PARP8: variants seen among roughly 807,000 people sequenced by gnomAD.
PARP8 encodes poly(ADP-ribose) polymerase family member 8.
A neutral mutation model predicts 124.1 loss-of-function variants in PARP8; 51 were observed. The ratio of observed to expected loss-of-function variants is 0.41; its 90% CI spans 0.33 to 0.52. PARP8 has a LOEUF of 0.52. Among genes scored for constraint, PARP8 ranks in the 20% least tolerant of loss-of-function variants. The pLI is 0.21. For synonymous variants in PARP8, 391 were observed against 361.5 expected (o/e 1.08, Z -0.93); for missense variants, 860 against 1,018.9 (o/e 0.84, Z 2.12).
intron 2 of PARP8, among the ~76,000 whole-genome samples, chr5:50,678,119 A>C (rs1478895961): frequency 6.6e-6 from 1 of 152,186 alleles, no homozygotes; most frequent in East Asian, 1.9e-4. Flanking sequence ...CTTTATTCAT[A>C]TATAGATTAT....
At chr5:50,720,669 T>G (rs1205746941) in intron 2 of PARP8, among the ~76,000 whole-genome samples, 1 of 151,972 alleles carries the variant, frequency 6.6e-6, no homozygotes, top group African/African-American at 2.4e-5. Flanking sequence ...TGCACCATAT[T>G]CTAAGCTAAA....
At chr5:50,796,256 T>C (rs762323072) in intron 12 of PARP8, among the ~76,000 whole-genome samples, 6 of 152,166 alleles carry the variant, frequency 3.9e-5, no homozygotes, top group Admixed American at 6.5e-5. Context: ...CAGCAAGAGA[T>C]GAAATTGAAA....
intron 2 of PARP8, chr5:50,739,029 A>G (rs1251853794): frequency 1.4e-6 from 1 of 702,586 alleles, no homozygotes; most frequent in South Asian, 1.5e-5. Flanking sequence ...TAACCAGCAG[A>G]GACCAGAGCT....
chr5:50,770,103 A>G (rs1160203637), intron 7 of PARP8, among the ~76,000 whole-genome samples: 2 of 152,092 alleles, frequency 1.3e-5, no homozygotes, highest in Non-Finnish European at 2.9e-5. Context: ...CCCCCAGGAT[A>G]TGAATATTTT....
At chr5:50,742,802 T>G (rs894952410) in intron 2 of PARP8, among the ~76,000 whole-genome samples, 1 of 152,190 alleles carries the variant, frequency 6.6e-6, no homozygotes, top group African/African-American at 2.4e-5. Flanking sequence ...GAGCTGAGCA[T>G]GGCAAATATG....
intron 2 of PARP8, among the ~76,000 whole-genome samples, chr5:50,673,033 T>A (rs1314506311): frequency 1.3e-5 from 2 of 152,214 alleles, no homozygotes; most frequent in Non-Finnish European, 2.9e-5. Flanking sequence ...AAATAAAAAA[T>A]TAACATATTT....
chr5:50,834,860 A>G (rs1040236228), intron 24 of PARP8, 71 bp from the exon 25 acceptor site: 4 of 1,272,128 alleles, frequency 3.1e-6, no homozygotes, highest in Admixed American at 1.8e-5. Flanking sequence ...GAGAAGAGAT[A>G]TATTAAGTCG....
intron 14 of PARP8, among the ~76,000 whole-genome samples, chr5:50,799,413 TCC>T (rs1368856056): frequency 3.3e-5 from 5 of 152,242 alleles, no homozygotes; most frequent in Non-Finnish European, 5.9e-5. Flanking sequence ...CAAGTCTTTT[TCC>T]ACTGATCTGC....
chr5:50,827,137 T>C (rs953308269), intron 19 of PARP8, among the ~76,000 whole-genome samples: 20 of 152,162 alleles, frequency 1.3e-4, no homozygotes, highest in African/African-American at 4.6e-4. Context: ...CAGTTTCATG[T>C]TGGCACATTT....
In PARP8 at chr5:50,822,376, A is replaced by G. The variant is rs1745857786; in HGVS notation, c.1836A>G (p.Ile612Met). 1 of 1,611,090 alleles carries G rather than the reference A, an allele frequency of 6.2e-7. No individual in the cohort carries two copies. The highest frequency in any genetic ancestry group is 8.5e-7 in the Non-Finnish European group (1 of 1,177,466). Residue 612 changes from isoleucine (I) to methionine (M), a missense_variant, in exon 17 of 26, where the codon ATA (isoleucine) becomes ATG (methionine). Physicochemically the swap from Ile to Met is conservative, Grantham distance 10. This residue lies in a region of PARP8 where 343 missense variants were observed against 474.7 expected (regional missense o/e 0.72). Coordinates refer to ENST00000281631, the MANE Select transcript of PARP8 (RefSeq NM_024615.4). ...YDRVMKALDS[I>M]TSIREMTQAP... is the part of the protein sequence containing the mutation. ...GAGTAATGAAAGCACTGGATAGCAT[A>G]ACTTCTATCAGAGAAATGACACAAG... is the stretch of plus-strand genomic sequence containing the variant.
At chr5:50,836,073 G>C (rs929521458) in intron 25 of PARP8, among the ~76,000 whole-genome samples, 1 of 152,170 alleles carries the variant, frequency 6.6e-6, no homozygotes, top group Non-Finnish European at 1.5e-5. Flanking sequence ...CATTGGATCT[G>C]TTGGCTTGTT....
chr5:50,686,537 G>A (rs56386193), intron 2 of PARP8, among the ~76,000 whole-genome samples: 185 of 152,280 alleles, frequency 1.2e-3, no homozygotes, highest in Non-Finnish European at 9.6e-4. Flanking sequence ...TCCACTACGC[G>A]GTGCCCCAGT....
intron 19 of PARP8, among the ~76,000 whole-genome samples, chr5:50,827,292 A>AT (rs953248183): frequency 3.9e-5 from 6 of 152,090 alleles, no homozygotes; most frequent in African/African-American, 1.4e-4. Flanking sequence ...TAAAAATCTC[A>AT]TTTTTGCCAT....
At chr5:50,839,902 G>A (rs1747992861) in intron 25 of PARP8, among the ~76,000 whole-genome samples, 1 of 151,878 alleles carries the variant, frequency 6.6e-6, no homozygotes, top group Non-Finnish European at 1.5e-5. Flanking sequence ...GGGAGTGATG[G>A]GGCATGACTG....
chr5:50,814,020 C>T (rs762909361), intron 14 of PARP8, among the ~76,000 whole-genome samples: 4 of 152,090 alleles, frequency 2.6e-5, no homozygotes, highest in Non-Finnish European at 5.9e-5. Flanking sequence ...CCCTTTGTGT[C>T]ACTGTTTACT....
At chr5:50,690,216 G>T (rs1275726387) in intron 2 of PARP8, among the ~76,000 whole-genome samples, 2 of 152,164 alleles carry the variant, frequency 1.3e-5, no homozygotes, top group Non-Finnish European at 2.9e-5. Flanking sequence ...ACAACTAGAA[G>T]CTAGGATCAG....
intron 14 of PARP8, 50 bp downstream of exon 14, chr5:50,797,283 T>C (rs754733420): frequency 3.2e-6 from 4 of 1,264,778 alleles, no homozygotes; most frequent in African/African-American, 1.5e-5. Context: ...TATAGAAATA[T>C]AGAAAAGATT....
chr5:50,787,233 A>G (rs931316195), intron 9 of PARP8, among the ~76,000 whole-genome samples: 1 of 152,154 alleles, frequency 6.6e-6, no homozygotes, highest in African/African-American at 2.4e-5. Flanking sequence ...ACTTGTTGCA[A>G]TAAGTTCCTG....
intron 4 of PARP8, 56 bp downstream of exon 4, chr5:50,759,788 T>TTTTG (rs528102018): frequency 4.0e-6 from 6 of 1,494,050 alleles, no homozygotes; most frequent in African/African-American, 1.5e-5. Context: ...CATTATCTTT[T>TTTTG]TTTGTTTGTT....
Sources: gnomAD v4.1 joint callset for allele counts (sites outside exome capture counted in the v4.1 genomes callset) on GRCh38, gnomAD v4.1.1 for gene constraint, gnomAD v4.1.1 regional missense constraint, MANE v1.5 for transcripts, NCBI Gene and HGNC (gene_info 2026-07-23, HGNC 2026-07-21) for gene names.